Variants in TSPAN12 observed in about 807,000 individuals in gnomAD.
TSPAN12 encodes tetraspanin-12.
TSPAN12 carries 19 observed loss-of-function variants against 39.2 expected under a neutral mutation model. The ratio of observed to expected loss-of-function variants is 0.49; its 90% CI spans 0.34 to 0.71. TSPAN12 has a LOEUF of 0.71. Among genes scored for constraint, TSPAN12 ranks in the 30% least tolerant of loss-of-function variants. TSPAN12 has a pLI of 0.01. For missense variants in TSPAN12, 314 were observed against 359.9 expected (o/e 0.87, Z 1.03); for synonymous variants, 119 against 124.8 (o/e 0.95, Z 0.31).
chr7:120,827,692 C>G (rs920608359), intron 4 of TSPAN12, among the ~76,000 whole-genome samples: 1 of 152,106 alleles, frequency 6.6e-6, no homozygotes, highest in African/African-American at 2.4e-5. Context: ...ATAAACAAAC[C>G]AATGATGACG....
intron 7 of TSPAN12, among the ~76,000 whole-genome samples, chr7:120,799,909 T>C (rs1254102821): frequency 7.0e-6 from 1 of 143,358 alleles, no homozygotes; most frequent in Non-Finnish European, 1.5e-5. Flanking sequence ...TTAATATATT[T>C]ATTATATTAA....
chr7:120,836,101 A>C (rs571667666), intron 4 of TSPAN12, among the ~76,000 whole-genome samples: 1 of 152,288 alleles, frequency 6.6e-6, no homozygotes, highest in African/African-American at 2.4e-5. Flanking sequence ...CCAGAGGAGG[A>C]CAGAAAAGAG....
intron 4 of TSPAN12, among the ~76,000 whole-genome samples, chr7:120,829,472 G>A (rs146059057): frequency 4.6e-5 from 7 of 151,006 alleles, no homozygotes; most frequent in Admixed American, 1.3e-4. Context: ...TTTTACAAAC[G>A]TTATCCGCCC....
At chr7:120,814,878 C>A (rs908630309) in intron 5 of TSPAN12, among the ~76,000 whole-genome samples, 1 of 152,172 alleles carries the variant, frequency 6.6e-6, no homozygotes, top group Admixed American at 6.5e-5. Context: ...CACAGCAACT[C>A]TTCAAATACA....
chr7:120,836,887 G>C (rs889166228), intron 4 of TSPAN12, among the ~76,000 whole-genome samples: 5 of 152,174 alleles, frequency 3.3e-5, no homozygotes, highest in African/African-American at 1.2e-4. Flanking sequence ...TGCATAAAGA[G>C]TTTTCAAAAT....
intron 4 of TSPAN12, among the ~76,000 whole-genome samples, chr7:120,835,594 A>G (rs1794461566): frequency 6.6e-6 from 1 of 152,208 alleles, no homozygotes; most frequent in Non-Finnish European, 1.5e-5. Context: ...TATTAAGTGA[A>G]TAATAAGGGT....
rs1794068620 is a variant in TSPAN12 at position 120,815,782 on chromosome 7, T to C, written c.307A>G (p.Ile103Val). Reference protein sequence around the residue: ...LAWYFGSLLVIFCVELACGVW... With the variant: ...LAWYFGSLLVVFCVELACGVW... ...CCACAAGCCAGTTCTACACAGAAAA[T>C]GACAAGCAAACTTCCAAAGTACTGT... The change falls in exon 5 of 8, where the codon ATT becomes GTT. Residue 103 changes from isoleucine (I) to valine (V), a missense_variant. Ile to Val is a conservative substitution (Grantham distance 29, BLOSUM62 3). Coordinates refer to ENST00000222747, the MANE Select transcript of TSPAN12 (RefSeq NM_012338.4). 5 of 1,612,968 alleles carry C rather than the reference T, an allele frequency of 3.1e-6. No homozygotes were observed. The highest frequency in any genetic ancestry group is 4.2e-6 in the Non-Finnish European group (5 of 1,179,610).
At chr7:120,799,805 T>G (rs1029365162) in intron 7 of TSPAN12, among the ~76,000 whole-genome samples, 41 of 136,746 alleles carry the variant, frequency 3.0e-4, no homozygotes, top group African/African-American at 1.0e-3. Context: ...TATTAAATAT[T>G]TATTATATTT....
At chr7:120,848,752 C>G (rs1335844644) in intron 2 of TSPAN12, among the ~76,000 whole-genome samples, 1 of 152,130 alleles carries the variant, frequency 6.6e-6, no homozygotes, top group Non-Finnish European at 1.5e-5. Flanking sequence ...AATAAAATGG[C>G]TTTTTCTCAA....
intron 5 of TSPAN12, among the ~76,000 whole-genome samples, chr7:120,811,268 CATT>C (rs1402066206): frequency 6.6e-6 from 1 of 152,126 alleles, no homozygotes; most frequent in Non-Finnish European, 1.5e-5. Context: ...GAAAAGAAGT[CATT>C]ATATGAAAAA....
At chr7:120,853,816 G>A (rs1419362923) in intron 2 of TSPAN12, among the ~76,000 whole-genome samples, 2 of 150,064 alleles carry the variant, frequency 1.3e-5, no homozygotes, top group South Asian at 2.1e-4. Context: ...GGAGGTTGCA[G>A]TGAGCTGAGA....
At chr7:120,805,563 G>T (rs919350653) in intron 7 of TSPAN12, among the ~76,000 whole-genome samples, 1 of 152,102 alleles carries the variant, frequency 6.6e-6, no homozygotes, top group Non-Finnish European at 1.5e-5. Flanking sequence ...CCAGGTACTT[G>T]ACAAGAGGTG....
At chr7:120,815,973 A>G (rs1400190986) in intron 4 of TSPAN12, among the ~76,000 whole-genome samples, 170 bp from the exon 5 acceptor site, 2 of 152,210 alleles carry the variant, frequency 1.3e-5, no homozygotes, top group African/African-American at 2.4e-5. Context: ...ATATCTGCAG[A>G]TAACATTTAA....
Position 120,806,675 on chromosome 7 carries a change from T to C in TSPAN12, c.486A>G (p.Val162=), listed in dbSNP as rs2116348598. The C allele has an allele frequency of 6.2e-7, 1 of 1,613,390 alleles. No individual in the cohort carries two copies. The highest frequency in any genetic ancestry group is 8.5e-7 in the Non-Finnish European group (1 of 1,179,472). The change falls in exon 7 of 8, where the codon GTA becomes GTG. Residue 162 remains valine (V), a synonymous_variant. Coordinates refer to ENST00000222747, the MANE Select transcript of TSPAN12 (RefSeq NM_012338.4). The stretch of plus-strand genomic sequence containing the variant: ...TTTCCAACCAGTCAGTGAAATATAC[T>C]ACTCCACAGCACTTAAACTGCAAAA... ...FFQREFKCCG[V]VYFTDWLEMT... is the part of the protein sequence containing the mutation.
intron 7 of TSPAN12, among the ~76,000 whole-genome samples, chr7:120,797,148 T>C (rs1793649438): frequency 6.6e-6 from 1 of 152,020 alleles, no homozygotes; most frequent in South Asian, 2.1e-4. Context: ...CAGAGCCAGA[T>C]TTCATCTCAA....
At chr7:120,794,012 G>T (rs1178391114) in intron 7 of TSPAN12, among the ~76,000 whole-genome samples, 1 of 152,154 alleles carries the variant, frequency 6.6e-6, no homozygotes, top group Non-Finnish European at 1.5e-5. Flanking sequence ...CTGTCAGAAA[G>T]CTGAGAGGCA....
intron 4 of TSPAN12, among the ~76,000 whole-genome samples, chr7:120,827,399 C>T (rs541997436): frequency 6.6e-6 from 1 of 151,994 alleles, no homozygotes; most frequent in Non-Finnish European, 1.5e-5. Context: ...GTTCCTAAAC[C>T]ATAAATATTT....
intron 2 of TSPAN12, among the ~76,000 whole-genome samples, chr7:120,844,406 A>C (rs1794634493): frequency 6.6e-6 from 1 of 152,238 alleles, no homozygotes. Context: ...TCCACAGTCC[A>C]AAGTCCCACT....
intron 4 of TSPAN12, among the ~76,000 whole-genome samples, chr7:120,821,019 T>A (rs1330886682): frequency 6.6e-6 from 1 of 152,130 alleles, no homozygotes; most frequent in Admixed American, 6.6e-5. Context: ...TCTCCCCATC[T>A]CAAGTTACTA....
Sources: allele counts gnomAD v4.1 joint callset (sites outside exome capture counted in the v4.1 genomes callset), GRCh38; gene constraint gnomAD v4.1.1; transcripts MANE v1.5; gene names NCBI Gene and HGNC (gene_info 2026-07-23, HGNC 2026-07-21).